ZNF593: variants seen among roughly 807,000 people sequenced by gnomAD.
ZNF593 encodes the protein zinc finger protein 593, also known as BUD20 homolog.
A neutral mutation model predicts 12.9 loss-of-function variants in ZNF593; 18 were observed. That is an observed-to-expected ratio of 1.40 (90% CI 0.96 to 2.07). The LOEUF (loss-of-function observed/expected upper bound fraction) is 2.07. Among genes scored for constraint, ZNF593 ranks in the 30% most tolerant of loss-of-function variants. The pLI is 0.00. For synonymous variants in ZNF593, 79 were observed against 79.9 expected, an observed-to-expected ratio of 0.99 and a Z score of 0.06; for missense variants, 198 against 186.7, an observed-to-expected ratio of 1.06 and a Z score of -0.35.
At position 26,170,017 on chromosome 1, in the gene ZNF593, G is replaced by A. The variant is rs552231383; in HGVS notation, c.34G>A (p.Ala12Thr). 2.6e-6 allele frequency: 4 copies of A among 1,563,672 alleles called. No homozygotes were observed. Among genetic ancestry groups the A allele is most frequent in the African/African-American group, 2.7e-5 (2 of 74,450 alleles). Residue 12 changes from alanine (A) to threonine (T), a missense_variant, in exon 1 of 3, where the codon GCG becomes ACG. Coordinates refer to ENST00000374266, the MANE Select transcript of ZNF593 (RefSeq NM_015871.5). ...GRSRRTGAHR[A>T]HSLARQMKAK... is the part of the protein sequence containing the mutation. ...CTCCCGCCGGACAGGCGCGCACCGA[G>A]CGCACTCTCTAGCCCGGCAGATGAA...
rs749793355 is a variant in ZNF593 at position 26,170,197 on chromosome 1, G to C, written c.200+14G>C. ...TCTGGCCTGCGCGTGAGTCCCGGACGAGCCCGGCCTGGGGCGGAGGAGGGT... is the reference window on the plus strand; with the variant it reads ...TCTGGCCTGCGCGTGAGTCCCGGACCAGCCCGGCCTGGGGCGGAGGAGGGT... On this transcript the variant is annotated intron_variant, in intron 1 of 2. Coordinates refer to ENST00000374266, the MANE Select transcript of ZNF593 (RefSeq NM_015871.5). 14 of 1,575,680 alleles carry C rather than the reference G, an allele frequency of 8.9e-6. No homozygotes were observed. The South Asian group carries it at 1.6e-4, about 18-fold the overall frequency.
At position 26,169,968 on chromosome 1, in the gene ZNF593, C is replaced by T. The variant is rs192858572; in HGVS notation, c.-16C>T. The T allele has an allele frequency of 1.3e-6, 2 of 1,531,084 alleles. No individual in the cohort carries two copies. The highest frequency in any genetic ancestry group is 2.0e-5 in the Admixed American group (1 of 50,342). The allele number at this position is 1,531,084 out of a possible 1,614,324, so 94.8% of individuals were successfully genotyped here. On this transcript the variant is annotated 5_prime_UTR_variant, in exon 1 of 3. Transcript: ENST00000374266. ...CCCTGCTCCTGGCCCCTTGGCCGGC[C>T]GGGCTGTTTCTGGCCATGGGTCGCT...
Position 26,170,555 on chromosome 1 carries a change from C to G in ZNF593, c.264-20C>G. The G allele has an allele frequency of 6.2e-7, 1 of 1,614,000 alleles. No individual in the cohort carries two copies. The highest frequency in any genetic ancestry group is 8.5e-7 in the Non-Finnish European group (1 of 1,179,996). ...GCTCTCACCTGGTCAGCTCCCAACT[C>G]CTGTTTTTCTTTCTCCCAGGCTGAA... is the stretch of plus-strand genomic sequence containing the variant. On this transcript the variant is annotated intron_variant, in intron 2 of 2. Coordinates refer to ENST00000374266, the MANE Select transcript of ZNF593 (RefSeq NM_015871.5).
In ZNF593 at chr1:26,170,689, G is replaced by A; in HGVS notation, c.378G>A (p.Glu126=). Residue 126 remains glutamate (E), a synonymous_variant, in exon 3 of 3, where the codon GAG becomes GAA. Coordinates refer to ENST00000374266, the MANE Select transcript of ZNF593 (RefSeq NM_015871.5). Reference sequence around the variant, plus strand: ...CAGTGCCCACGGAAGTGTCCACTGAGGTCCCTGAGATGGATACCTCTACCT... The same window carrying A: ...CAGTGCCCACGGAAGTGTCCACTGAAGTCCCTGAGATGGATACCTCTACCT... The part of the protein sequence containing the change: ...RLAVPTEVST[E]VPEMDTST 6.2e-7 allele frequency: 1 copy of A among 1,609,052 alleles called. No individual in the cohort carries two copies. The highest frequency in any genetic ancestry group is 2.2e-5 in the East Asian group (1 of 44,876).
Position 26,170,153 on chromosome 1 carries a change from G to C in ZNF593, c.170G>C (p.Gly57Ala), listed in dbSNP as rs751175966. Residue 57 changes from glycine (G) to alanine (A), a missense_variant, in exon 1 of 3, where the codon GGG (glycine) becomes GCG (alanine). Coordinates refer to ENST00000374266, the MANE Select transcript of ZNF593 (RefSeq NM_015871.5). Reference protein sequence around the residue: ...PNAEFDPDLPGGGLHRCLACA... With the variant: ...PNAEFDPDLPAGGLHRCLACA... ...GCCGAGTTCGACCCCGACCTGCCAG[G>C]GGGCGGTCTGCACCGCTGTCTGGCC... The C allele has an allele frequency of 1.9e-6, 3 of 1,571,672 alleles. No homozygotes were observed. The African/African-American group carries it at 4.1e-5, about 21-fold the overall frequency.
chr1:26,169,990 C>G lies in ZNF593; in HGVS notation c.7C>G (p.Arg3Gly), dbSNP rs763290658. The change falls in exon 1 of 3, where the codon CGC (arginine) becomes GGC (glycine). Residue 3 changes from arginine to glycine, a missense_variant. Physicochemically the swap from Arg to Gly is moderately radical, Grantham distance 125. Coordinates refer to ENST00000374266, the MANE Select transcript of ZNF593 (RefSeq NM_015871.5). ...GGCCGGGCTGTTTCTGGCCATGGGT[C>G]GCTCCCGCCGGACAGGCGCGCACCG... MG[R>G]SRRTGAHRAH... The G allele has an allele frequency of 6.5e-7, 1 of 1,545,034 alleles. No individual in the cohort carries two copies. Among genetic ancestry groups the G allele is most frequent in the South Asian group, 1.2e-5 (1 of 84,118 alleles).
At position 26,170,128 on chromosome 1, in the gene ZNF593, G is replaced by T; in HGVS notation, c.145G>T (p.Ala49Ser). The change falls in exon 1 of 3, where the codon GCC becomes TCC. Residue 49 changes from alanine to serine, a missense_variant. Physicochemically the swap from Ala to Ser is moderately conservative, Grantham distance 99. Coordinates refer to ENST00000374266, the MANE Select transcript of ZNF593 (RefSeq NM_015871.5). The part of the protein sequence containing the change: ...GSARPQPDPN[A>S]EFDPDLPGGG... Reference sequence around the variant, plus strand: ...CGCACGACCCCAGCCCGACCCAAACGCCGAGTTCGACCCCGACCTGCCAGG... The same window carrying T: ...CGCACGACCCCAGCCCGACCCAAACTCCGAGTTCGACCCCGACCTGCCAGG... 1 of 1,571,730 alleles carries T rather than the reference G, an allele frequency of 6.4e-7. No individual in the cohort carries two copies.
At position 26,170,197 on chromosome 1, in the gene ZNF593, G is replaced by T. The variant is rs749793355; in HGVS notation, c.200+14G>T. 3.8e-6 allele frequency: 6 copies of T among 1,575,680 alleles called. No individual in the cohort carries two copies. The highest frequency in any genetic ancestry group is 5.1e-6 in the Non-Finnish European group (6 of 1,165,466). ...TCTGGCCTGCGCGTGAGTCCCGGAC[G>T]AGCCCGGCCTGGGGCGGAGGAGGGT... On this transcript the variant is annotated intron_variant, in intron 1 of 2. Coordinates refer to ENST00000374266, the MANE Select transcript of ZNF593 (RefSeq NM_015871.5).
In ZNF593 at chr1:26,169,911, C is replaced by T; in HGVS notation, c.-73C>T. Reference sequence around the variant, plus strand: ...CCCGGCGTGGCCTGACGTAGCTGATCGGCCCGGAAGTGCTCACACGTGTGC... The same window carrying T: ...CCCGGCGTGGCCTGACGTAGCTGATTGGCCCGGAAGTGCTCACACGTGTGC... On this transcript the variant is annotated 5_prime_UTR_variant, in exon 1 of 3. Coordinates refer to ENST00000374266, the MANE Select transcript of ZNF593 (RefSeq NM_015871.5). The T allele has an allele frequency of 1.4e-6, 2 of 1,401,264 alleles. No homozygotes were observed. The highest frequency in any genetic ancestry group is 1.9e-6 in the Non-Finnish European group (2 of 1,072,154). The allele number at this position is 1,401,264 out of a possible 1,614,324, so 86.8% of individuals were successfully genotyped here.
At position 26,170,428 on chromosome 1, in the gene ZNF593, A is replaced by T; in HGVS notation, c.211A>T (p.Ile71Phe). 1 of 1,613,980 alleles carries T rather than the reference A, an allele frequency of 6.2e-7. No individual in the cohort carries two copies. The highest frequency in any genetic ancestry group is 8.5e-7 in the Non-Finnish European group (1 of 1,179,890). ...CTTCCATTCCTACAGGAGGTACTTC[A>T]TCGATTCCACCAACCTGAAGACCCA... ...HRCLACARYF[I>F]DSTNLKTHFR... Residue 71 changes from isoleucine to phenylalanine, a missense_variant, in exon 2 of 3, where the codon ATC becomes TTC. Transcript: ENST00000374266.
chr1:26,170,747 G>T lies in ZNF593; in HGVS notation c.*31G>T, dbSNP rs780105407. ...CCTGAAGATGCAGGGCAGAGGAATTGCCCATGGACAGTGACGCAAGGACTA... is the reference window on the plus strand; with the variant it reads ...CCTGAAGATGCAGGGCAGAGGAATTTCCCATGGACAGTGACGCAAGGACTA... On this transcript the variant is annotated 3_prime_UTR_variant, in exon 3 of 3. Transcript: ENST00000374266. The T allele has an allele frequency of 6.3e-7, 1 of 1,590,228 alleles. No individual in the cohort carries two copies. Among genetic ancestry groups the T allele is most frequent in the East Asian group, 2.2e-5 (1 of 44,724 alleles).
chr1:26,170,460 A>T lies in ZNF593; in HGVS notation c.243A>T (p.Arg81=). 1 of 1,614,182 alleles carries T rather than the reference A, an allele frequency of 6.2e-7. No individual in the cohort carries two copies. Among genetic ancestry groups the T allele is most frequent in the Non-Finnish European group, 8.5e-7 (1 of 1,180,028 alleles). Residue 81 remains arginine, a synonymous_variant, in exon 2 of 3, where the codon CGA becomes CGT. Coordinates refer to ENST00000374266, the MANE Select transcript of ZNF593 (RefSeq NM_015871.5). ...IDSTNLKTHF[R]SKDHKKRLKQ... Reference sequence around the variant, plus strand: ...CCACCAACCTGAAGACCCACTTCCGATCCAAAGACCACAAGAAAAGGTATG... The same window carrying T: ...CCACCAACCTGAAGACCCACTTCCGTTCCAAAGACCACAAGAAAAGGTATG...
At position 26,170,767 on chromosome 1, in the gene ZNF593, G is replaced by A. The variant is rs1324969577; in HGVS notation, c.*51G>A. 6.4e-7 allele frequency: 1 copy of A among 1,573,180 alleles called. No individual in the cohort carries two copies. Among genetic ancestry groups the A allele is most frequent in the South Asian group, 1.1e-5 (1 of 87,910 alleles). ...GAATTGCCCATGGACAGTGACGCAA[G>A]GACTAGGCTGGGAGGGAGCGTGCCA... On this transcript the variant is annotated 3_prime_UTR_variant, in exon 3 of 3. Transcript: ENST00000374266.
rs1333497933 is a variant in ZNF593 at position 26,169,965 on chromosome 1, G to T, written c.-19G>T. 1.3e-6 allele frequency: 2 copies of T among 1,528,726 alleles called. No homozygotes were observed. Among genetic ancestry groups the T allele is most frequent in the Non-Finnish European group, 1.8e-6 (2 of 1,141,536 alleles). The allele number at this position is 1,528,726 out of a possible 1,614,324, so 94.7% of individuals were successfully genotyped here. A position where few individuals can be genotyped will look rare whatever the true frequency, so the allele number is the denominator to read the frequency against. Reference sequence around the variant, plus strand: ...CTGCCCTGCTCCTGGCCCCTTGGCCGGCCGGGCTGTTTCTGGCCATGGGTC... The same window carrying T: ...CTGCCCTGCTCCTGGCCCCTTGGCCTGCCGGGCTGTTTCTGGCCATGGGTC... On this transcript the variant is annotated 5_prime_UTR_variant, in exon 1 of 3. Coordinates refer to ENST00000374266, the MANE Select transcript of ZNF593 (RefSeq NM_015871.5).
Position 26,170,500 on chromosome 1 carries a change from G to A in ZNF593, c.263+20G>A. On this transcript the variant is annotated intron_variant, in intron 2 of 2. Transcript: ENST00000374266. ...GAAAAGGTATGAAGGAGTAAGGAGA[G>A]GATTGATGGATGGGTGCTCAGCAGA... The A allele has an allele frequency of 6.2e-7, 1 of 1,614,200 alleles. No homozygotes were observed. Among genetic ancestry groups the A allele is most frequent in the Admixed American group, 1.7e-5 (1 of 60,028 alleles).
Position 26,169,917 on chromosome 1 carries a change from G to T in ZNF593, c.-67G>T. The T allele has an allele frequency of 3.4e-6, 5 of 1,453,446 alleles. No homozygotes were observed. Among genetic ancestry groups the T allele is most frequent in the South Asian group, 1.4e-5 (1 of 72,648 alleles). 90.0% of individuals were successfully genotyped at this position (1,453,446 alleles called of 1,614,324 possible). A position where few individuals can be genotyped will look rare whatever the true frequency, so the allele number is the denominator to read the frequency against. On this transcript the variant is annotated 5_prime_UTR_variant, in exon 1 of 3. Coordinates refer to ENST00000374266, the MANE Select transcript of ZNF593 (RefSeq NM_015871.5). ...GTGGCCTGACGTAGCTGATCGGCCC[G>T]GAAGTGCTCACACGTGTGCTCCCTG...
At position 26,170,022 on chromosome 1, in the gene ZNF593, C is replaced by A; in HGVS notation, c.39C>A (p.His13Gln). The change falls in exon 1 of 3, where the codon CAC (histidine) becomes CAA (glutamine). Residue 13 changes from histidine (H) to glutamine (Q), a missense_variant. By Grantham distance (24) the His-to-Gln change is conservative. Transcript: ENST00000374266. ...RSRRTGAHRA[H>Q]SLARQMKAKR... ...GCCGGACAGGCGCGCACCGAGCGCA[C>A]TCTCTAGCCCGGCAGATGAAGGCGA... The A allele has an allele frequency of 6.4e-7, 1 of 1,566,562 alleles. No individual in the cohort carries two copies. The highest frequency in any genetic ancestry group is 8.6e-7 in the Non-Finnish European group (1 of 1,159,702).
In ZNF593 at chr1:26,170,298, C is replaced by T; in HGVS notation, c.200+115C>T. On this transcript the variant is annotated intron_variant, in intron 1 of 2. Coordinates refer to ENST00000374266, the MANE Select transcript of ZNF593 (RefSeq NM_015871.5). ...TCTTCTCTCTTGGGACCCGTGGGTC[C>T]GCCCGCCTCCCGTTTCTCAGACCCG... is the stretch of plus-strand genomic sequence containing the variant. The T allele has an allele frequency of 2.0e-6, 3 of 1,525,848 alleles. No homozygotes were observed. The South Asian group carries it at 3.7e-5, about 19-fold the overall frequency. The allele number at this position is 1,525,848 out of a possible 1,614,324, so 94.5% of individuals were successfully genotyped here. A position where few individuals can be genotyped will look rare whatever the true frequency, so the allele number is the denominator to read the frequency against.
Position 26,170,593 on chromosome 1 carries a change from C to G in ZNF593, c.282C>G (p.Val94=), listed in dbSNP as rs1450161790. 1.2e-6 allele frequency: 2 copies of G among 1,613,826 alleles called. No individual in the cohort carries two copies. The highest frequency in any genetic ancestry group is 1.1e-5 in the South Asian group (1 of 91,082). ...CTCCCAGGCTGAAGCAGCTGAGCGTCGAGCCCTACAGTCAGGAAGAGGCGG... is the reference window on the plus strand; with the variant it reads ...CTCCCAGGCTGAAGCAGCTGAGCGTGGAGCCCTACAGTCAGGAAGAGGCGG... ...DHKKRLKQLS[V]EPYSQEEAER... The change falls in exon 3 of 3, where the codon GTC becomes GTG. Residue 94 remains valine, a synonymous_variant. Transcript: ENST00000374266.
Sources: gnomAD v4.1 joint callset for allele counts on GRCh38, gnomAD v4.1.1 for gene constraint, MANE v1.5 for transcripts, NCBI Gene and HGNC (gene_info 2026-07-23, HGNC 2026-07-21) for gene names.